ACOT2: variants seen among roughly 807,000 people sequenced by gnomAD.
The protein encoded by ACOT2 is acyl-CoA thioesterase 2.
In ACOT2, 15 loss-of-function variants were observed where a neutral mutation model predicts 20.1. That is an observed-to-expected ratio of 0.75 (90% CI 0.50 to 1.15). The LOEUF (loss-of-function observed/expected upper bound fraction) is 1.15, where lower values mean the gene tolerates loss of function less well. Among genes scored for constraint, ACOT2 ranks in the 50% most tolerant of loss-of-function variants. The pLI, the probability that ACOT2 is intolerant of heterozygous loss-of-function variation, is 0.00. For synonymous variants in ACOT2, 252 were observed against 268.4 expected (o/e 0.94, Z 0.60); for missense variants, 479 against 615.3 (o/e 0.78, Z 2.34).
chr14:73,569,875 T>C lies in ACOT2; in HGVS notation c.635T>C (p.Leu212Pro). 4 of 1,604,024 alleles carry C rather than the reference T, an allele frequency of 2.5e-6. No individual in the cohort carries two copies. In the South Asian group the frequency reaches 4.4e-5, roughly 18 times the overall value. The change falls in exon 1 of 3, where the codon CTG (leucine) becomes CCG (proline). Residue 212 changes from leucine (L) to proline (P), a missense_variant. This residue lies in a region of ACOT2 where 400 missense variants were observed against 395.5 expected (regional missense o/e 1.01). Transcript: ENST00000238651. ...RVGRVRGTLFLPPEPGPFPGI... is the reference protein window; with the variant it reads ...RVGRVRGTLFPPPEPGPFPGI... ...GGCCGGGTGCGAGGCACGCTCTTCC[T>C]GCCGCCAGGTGACTCACCTCCGCTA...
chr14:73,574,472 A>T, intron 2 of ACOT2: 1 of 310,792 alleles, frequency 3.2e-6, no homozygotes, highest in Non-Finnish European at 6.1e-6. Flanking sequence ...CATGTTGGCC[A>T]GACTGATCTC....
At chr14:73,570,376 T>C (rs973281728) in intron 1 of ACOT2, among the ~76,000 whole-genome samples, 1 of 151,676 alleles carries the variant, frequency 6.6e-6, no homozygotes, top group African/African-American at 2.4e-5. Context: ...GAGGCCATCC[T>C]GACTAACACG....
In ACOT2 at chr14:73,570,612, A is replaced by G. The variant is rs1889710742; in HGVS notation, c.643+729A>G. ...GGAAAGGAAAAAGACACTTATATTA[A>G]AAACAAAACAGGCCGGGCGCGGTGG... is the stretch of plus-strand genomic sequence containing the variant. On this transcript the variant is annotated intron_variant, in intron 1 of 2. Transcript: ENST00000238651. Among the ~76,000 whole-genome samples the G allele has an allele frequency of 2.6e-5, 4 of 151,492 alleles. No homozygotes were observed. In the East Asian group the frequency reaches 7.8e-4, roughly 29 times the overall value.
At chr14:73,570,883 G>A (rs1889721902) in intron 1 of ACOT2, among the ~76,000 whole-genome samples, 2 of 145,538 alleles carry the variant, frequency 1.4e-5, no homozygotes, top group South Asian at 4.6e-4. Context: ...CCAGCCTGGG[G>A]GACAAGAGTG....
intron 1 of ACOT2, 44 bp from the exon 2 acceptor site, chr14:73,573,344 T>G (rs752709345): frequency 6.2e-7 from 1 of 1,612,508 alleles, no homozygotes; most frequent in Non-Finnish European, 8.5e-7. Flanking sequence ...TCCAACTGTT[T>G]CAGGAATAGC....
At chr14:73,568,254 G>C (rs1889639398), upstream of ACOT2, 2 of 151,848 alleles carry the variant, frequency 1.3e-5, no homozygotes, top group African/African-American at 4.8e-5. Context: ...GGTTTTGTGG[G>C]TTTGAAGCCT....
intron 1 of ACOT2, among the ~76,000 whole-genome samples, chr14:73,572,648 T>A: frequency 1.9e-5 from 1 of 53,162 alleles, no homozygotes; most frequent in Non-Finnish European, 2.8e-5. Flanking sequence ...CATTTTTTTT[T>A]TTTTTTTTTT....
intron 1 of ACOT2, 140 bp from the exon 2 acceptor site, chr14:73,573,248 A>T: frequency 7.7e-7 from 1 of 1,306,864 alleles, no homozygotes; most frequent in African/African-American, 1.4e-5. Flanking sequence ...TTTCTGGACG[A>T]ACAGGTTTTC....
At position 73,569,816 on chromosome 14, in the gene ACOT2, C is replaced by A. The variant is rs763794770; in HGVS notation, c.576C>A (p.Leu192=). Reference sequence around the variant, plus strand: ...AGACGCGGCACGAGCGCTACTTCCTCCCGCCCGGGGTGCGGCGCGAGCCGG... The same window carrying A: ...AGACGCGGCACGAGCGCTACTTCCTACCGCCCGGGGTGCGGCGCGAGCCGG... The part of the protein sequence containing the change: ...LCQTRHERYF[L]PPGVRREPVR... Residue 192 remains leucine, a synonymous_variant, in exon 1 of 3, where the codon CTC becomes CTA. Coordinates refer to ENST00000238651, the MANE Select transcript of ACOT2 (RefSeq NM_006821.6). 2 of 1,600,902 alleles carry A rather than the reference C, an allele frequency of 1.2e-6. No individual in the cohort carries two copies. The highest frequency in any genetic ancestry group is 3.4e-5 in the Admixed American group (2 of 58,874).
At position 73,569,337 on chromosome 14, in the gene ACOT2, C is replaced by T. The variant is rs776361206; in HGVS notation, c.97C>T (p.Leu33=). The T allele has an allele frequency of 6.2e-7, 1 of 1,613,990 alleles. No individual in the cohort carries two copies. The highest frequency in any genetic ancestry group is 1.7e-5 in the Admixed American group (1 of 60,026). Residue 33 remains leucine, a synonymous_variant, in exon 1 of 3, where the codon CTG becomes TTG. Transcript: ENST00000238651. ...SSPAVLRASR[L]YQWSLKSSAQ... is the part of the protein sequence containing the mutation. ...TCCTGCTGTCCTTCGAGCGTCCCGG[C>T]TGTACCAATGGAGCCTGAAGAGTTC... is the stretch of plus-strand genomic sequence containing the variant.
At chr14:73,567,911 C>T (rs1323380231), upstream of ACOT2, 3 of 152,124 alleles carry the variant, frequency 2.0e-5, no homozygotes, top group Admixed American at 6.6e-5. Context: ...GAACACATTC[C>T]GGACGCATCT....
At chr14:73,570,895 CTCTA>C (rs1437631775) in intron 1 of ACOT2, among the ~76,000 whole-genome samples, 2 of 104,534 alleles carry the variant, frequency 1.9e-5, no homozygotes, top group African/African-American at 3.8e-5. Flanking sequence ...ACAAGAGTGA[CTCTA>C]TCTTAAAAAA....
At chr14:73,573,664 G>A in intron 2 of ACOT2, 74 bp downstream of exon 2, 2 of 1,559,324 alleles carry the variant, frequency 1.3e-6, no homozygotes, top group Middle Eastern at 1.7e-4. Flanking sequence ...TTTCACAGAA[G>A]TTAGCTCATT....
At position 73,569,604 on chromosome 14, in the gene ACOT2, C is replaced by T. The variant is rs1889671029; in HGVS notation, c.364C>T (p.Leu122=). The T allele has an allele frequency of 6.2e-7, 1 of 1,601,442 alleles. No individual in the cohort carries two copies. Among genetic ancestry groups the T allele is most frequent in the Non-Finnish European group, 8.5e-7 (1 of 1,176,086 alleles). Residue 122 remains leucine, a synonymous_variant, in exon 1 of 3, where the codon CTG becomes TTG. Coordinates refer to ENST00000238651, the MANE Select transcript of ACOT2 (RefSeq NM_006821.6). ...ARYRADTLGE[L]DLERAPALGG... Reference sequence around the variant, plus strand: ...CTACCGCGCCGACACTCTTGGCGAGCTGGACCTGGAGCGCGCGCCCGCGCT... The same window carrying T: ...CTACCGCGCCGACACTCTTGGCGAGTTGGACCTGGAGCGCGCGCCCGCGCT...
intron 1 of ACOT2, among the ~76,000 whole-genome samples, 194 bp downstream of exon 1, chr14:73,570,077 G>A (rs1372332792): frequency 1.3e-5 from 2 of 149,882 alleles, no homozygotes; most frequent in African/African-American, 4.9e-5. Context: ...TACAGGGTGA[G>A]CCACCGCGCC....
At position 73,573,595 on chromosome 14, in the gene ACOT2, G is replaced by C; in HGVS notation, c.846+5G>C. On this transcript the variant is annotated splice_donor_5th_base_variant and intron_variant, in intron 2 of 2. Coordinates refer to ENST00000238651, the MANE Select transcript of ACOT2 (RefSeq NM_006821.6). ...TACTTGCTCAGTCATCCCGAGGTTA[G>C]TTCTTCTTTCAGATTTATGGGCTAT... The C allele has an allele frequency of 6.2e-7, 1 of 1,613,728 alleles. No individual in the cohort carries two copies. Among genetic ancestry groups the C allele is most frequent in the African/African-American group, 1.3e-5 (1 of 75,008 alleles).
rs373287260 is a variant in ACOT2, at chr14:73,575,424, A to G, written c.1363A>G (p.Met455Val). The change falls in exon 3 of 3, where the codon ATG becomes GTG. Residue 455 changes from methionine to valine, a missense_variant. This residue lies in a region of ACOT2 where 40 missense variants were observed against 93.4 expected (regional missense o/e 0.43). Transcript: ENST00000238651. The part of the protein sequence containing the change: ...IWGGEPRAHA[M>V]AQVDAWKQLQ... ...GGGAGGGGAGCCCAGGGCTCATGCC[A>G]TGGCTCAGGTGGATGCTTGGAAACA... The G allele has an allele frequency of 8.2e-4, 1,106 of 1,352,436 alleles. 2 individuals are homozygous for G. The highest frequency in any genetic ancestry group is 1.3e-3 in the Middle Eastern group (5 of 3,852). The allele number at this position is 1,352,436 out of a possible 1,614,324, so 83.8% of individuals were successfully genotyped here.
At chr14:73,574,884 C>A (rs1441549762) in intron 2 of ACOT2, 24 bp from the exon 3 acceptor site, 2 of 1,613,340 alleles carry the variant, frequency 1.2e-6, no homozygotes, top group Non-Finnish European at 1.7e-6. Flanking sequence ...CATTCTTCTT[C>A]TTTTTCCTTT....
At chr14:73,568,992 G>T, upstream of ACOT2, 2 of 531,760 alleles carry the variant, frequency 3.8e-6, no homozygotes, top group African/African-American at 1.9e-5. Context: ...CCTGGAGACT[G>T]CTAGCTGCCT....
Sources: allele counts gnomAD v4.1 joint callset (sites outside exome capture counted in the v4.1 genomes callset), GRCh38; gene constraint gnomAD v4.1.1; regional missense constraint gnomAD v4.1.1; transcripts MANE v1.5; gene names NCBI Gene and HGNC (gene_info 2026-07-23, HGNC 2026-07-21).